Variants in HNRNPCL1 observed in about 807,000 individuals in gnomAD.
HNRNPCL1 encodes heterogeneous nuclear ribonucleoprotein C-like 1.
HNRNPCL1 carries 15 observed loss-of-function variants against 19.0 expected under a neutral mutation model. The observed-to-expected ratio is 0.79, with a 90% CI of 0.53 to 1.22. HNRNPCL1 has a LOEUF of 1.22. Ranked by LOEUF, HNRNPCL1 falls within the 50% of genes most tolerant of loss-of-function variation. HNRNPCL1 has a pLI of 0.00. For missense variants in HNRNPCL1, 327 were observed against 354.7 expected (o/e 0.92, Z 0.63); for synonymous variants, 110 against 129.1 (o/e 0.85, Z 1.00).
In HNRNPCL1 at chr1:12,847,384, A is replaced by C; in HGVS notation, c.*24T>G. On this transcript the variant is annotated 3_prime_UTR_variant, in exon 2 of 2. Transcript: ENST00000317869. ...TCCTAGGTAAAGAAACAATGGGATA[A>C]GATTTCTCAACCCCACTATGTGCTT... 6.2e-7 allele frequency: 1 copy of C among 1,605,352 alleles called. No homozygotes were observed. The highest frequency in any genetic ancestry group is 8.5e-7 in the Non-Finnish European group (1 of 1,175,672).
In HNRNPCL1 at chr1:12,847,597, T is replaced by C. The variant is rs148279364; in HGVS notation, c.693A>G (p.Lys231=). Residue 231 remains lysine, a synonymous_variant, in exon 2 of 2, where the codon AAA becomes AAG. Coordinates refer to ENST00000317869, the MANE Select transcript of HNRNPCL1 (RefSeq NM_001013631.3). ...ACTCCATCTTCACATGAGTCTCATC[T>C]TTCTTCATGGAGCTACTGCTCTGCT... ...EEEQSSSSMK[K]DETHVKMESE... is the part of the protein sequence containing the mutation. The C allele has an allele frequency of 6.2e-7, 1 of 1,606,764 alleles. No homozygotes were observed. Among genetic ancestry groups the C allele is most frequent in the Non-Finnish European group, 8.5e-7 (1 of 1,176,590 alleles).
chr1:12,848,031 C>A lies in HNRNPCL1; in HGVS notation c.259G>T (p.Glu87Ter). ...SQVVDINLAA[E>*]PKVNRGNAGV... ...GCGTTTCCTCGGTTCACTTTTGGCT[C>A]CGCAGCCAGGTTAATATCTACAACC... is the stretch of plus-strand genomic sequence containing the variant. Residue 87 changes from glutamate to a stop codon, truncating the protein, a stop_gained, in exon 2 of 2, where the codon GAG becomes TAG. Coordinates refer to ENST00000317869, the MANE Select transcript of HNRNPCL1 (RefSeq NM_001013631.3). LOFTEE classifies it high-confidence loss of function. 1 of 1,607,244 alleles carries A rather than the reference C, an allele frequency of 6.2e-7. No homozygotes were observed.
At position 12,848,335 on chromosome 1, in the gene HNRNPCL1, G is replaced by A. The variant is rs768776942; in HGVS notation, c.-46C>T. 1.1e-5 allele frequency: 15 copies of A among 1,418,980 alleles called. 1 individual carries two copies. The highest frequency in any genetic ancestry group is 8.4e-6 in the Non-Finnish European group (9 of 1,069,070). 87.9% of individuals were successfully genotyped at this position (1,418,980 alleles called of 1,614,324 possible). A position where few individuals can be genotyped will look rare whatever the true frequency, so the allele number is the denominator to read the frequency against. On this transcript the variant is annotated 5_prime_UTR_variant, in exon 2 of 2. Coordinates refer to ENST00000317869, the MANE Select transcript of HNRNPCL1 (RefSeq NM_001013631.3). ...CTCAAAAAGCCAAAAACAGGAGGCG[G>A]GAGGGAGAAGAGATTCGATTCTAAG...
chr1:12,847,658 T>G lies in HNRNPCL1; in HGVS notation c.632A>C (p.Gln211Pro), dbSNP rs1640285755. Residue 211 changes from glutamine to proline, a missense_variant, in exon 2 of 2, where the codon CAA becomes CCA. By Grantham distance (76) the Gln-to-Pro change is moderately conservative. This residue lies in a region of HNRNPCL1 where 281 missense variants were observed against 254.7 expected (regional missense o/e 1.10). Coordinates refer to ENST00000317869, the MANE Select transcript of HNRNPCL1 (RefSeq NM_001013631.3). The part of the protein sequence containing the change: ...LEKIEKEQSK[Q>P]EVEVKNAKSE... ...CTTAGCATTTTTCACCTCTACCTCT[T>G]GTTTGCTCTGTTCCTTTTCAATTTT... is the stretch of plus-strand genomic sequence containing the variant. 1 of 1,606,546 alleles carries G rather than the reference T, an allele frequency of 6.2e-7. No individual in the cohort carries two copies. Among genetic ancestry groups the G allele is most frequent in the African/African-American group, 1.3e-5 (1 of 74,240 alleles).
At position 12,848,150 on chromosome 1, in the gene HNRNPCL1, G is replaced by A. The variant is rs745401037; in HGVS notation, c.140C>T (p.Ser47Phe). Residue 47 changes from serine (S) to phenylalanine (F), a missense_variant, in exon 2 of 2, where the codon TCT becomes TTT. Physicochemically the swap from Ser to Phe is radical, Grantham distance 155 (BLOSUM62 -2). Coordinates refer to ENST00000317869, the MANE Select transcript of HNRNPCL1 (RefSeq NM_001013631.3). ...AACGAAGGCAAAGCCCTTATGAACA[G>A]AGCAGCCCGCAATTTTGCCATACTT... ...FSKYGKIAGC[S>F]VHKGFAFVQY... 2 of 1,595,202 alleles carry A rather than the reference G, an allele frequency of 1.3e-6. No homozygotes were observed. The highest frequency in any genetic ancestry group is 1.4e-5 in the African/African-American group (1 of 73,428).
At chr1:12,848,596 T>C (rs79286318) in intron 1 of HNRNPCL1, 85 bp downstream of exon 1, 1 of 517,500 alleles carries the variant, frequency 1.9e-6, no homozygotes, top group Non-Finnish European at 3.2e-6. Flanking sequence ...TATAGTTCTG[T>C]GCCGTCGTAG....
rs747565200 is a variant in HNRNPCL1, at chr1:12,847,501, C to T, written c.789G>A (p.Gly263=). The T allele has an allele frequency of 3.1e-6, 5 of 1,605,742 alleles. No individual in the cohort carries two copies. In the South Asian group the frequency reaches 4.4e-5, roughly 14 times the overall value. ...CCTTGATCAACTCCAGCTGGTCATC[C>T]CCCTGATCTTCATTAACATCATCAT... ...PLDDDVNEDQ[G]DDQLELIKDD... is the part of the protein sequence containing the mutation. The change falls in exon 2 of 2, where the codon GGG becomes GGA. Residue 263 remains glycine (G), a synonymous_variant. Coordinates refer to ENST00000317869, the MANE Select transcript of HNRNPCL1 (RefSeq NM_001013631.3).
At position 12,848,137 on chromosome 1, in the gene HNRNPCL1, G is replaced by C. The variant is rs1323658228; in HGVS notation, c.153C>G (p.Gly51=). The C allele has an allele frequency of 6.2e-7, 1 of 1,600,050 alleles. No homozygotes were observed. The highest frequency in any genetic ancestry group is 8.5e-7 in the Non-Finnish European group (1 of 1,173,422). ...CCTTATCATATTGAACGAAGGCAAA[G>C]CCCTTATGAACAGAGCAGCCCGCAA... is the stretch of plus-strand genomic sequence containing the variant. ...GKIAGCSVHK[G]FAFVQYDKEK... is the part of the protein sequence containing the mutation. The change falls in exon 2 of 2, where the codon GGC becomes GGG. Residue 51 remains glycine, a synonymous_variant. Transcript: ENST00000317869.
Position 12,848,363 on chromosome 1 carries a change from TCCTACTG to T in HNRNPCL1, c.-81_-75del, listed in dbSNP as rs1640307103. The stretch of plus-strand genomic sequence containing the variant: ...GGGAGAAGAGATTCGATTCTAAGTC[TCCTACTG>T]CCGGGTTCTACGGGGAGAAACTGAC... On this transcript the variant is annotated 5_prime_UTR_variant, in exon 2 of 2. Coordinates refer to ENST00000317869, the MANE Select transcript of HNRNPCL1 (RefSeq NM_001013631.3). 6.9e-7 allele frequency: 1 copy of T among 1,450,080 alleles called. No individual in the cohort carries two copies. The highest frequency in any genetic ancestry group is 1.5e-5 in the South Asian group (1 of 68,912). 89.8% of individuals were successfully genotyped at this position (1,450,080 alleles called of 1,614,324 possible).
chr1:12,847,663 G>T lies in HNRNPCL1; in HGVS notation c.627C>A (p.Ser209Arg). The T allele has an allele frequency of 1.2e-6, 2 of 1,606,472 alleles. No individual in the cohort carries two copies. The highest frequency in any genetic ancestry group is 1.1e-5 in the South Asian group (1 of 90,492). ...ENLEKIEKEQSKQEVEVKNAK... is the reference protein window; with the variant it reads ...ENLEKIEKEQRKQEVEVKNAK... ...CATTTTTCACCTCTACCTCTTGTTT[G>T]CTCTGTTCCTTTTCAATTTTTTCCA... The change falls in exon 2 of 2, where the codon AGC (serine) becomes AGA (arginine). Residue 209 changes from serine to arginine, a missense_variant. Around this residue, in one of 2 missense-constraint regions of HNRNPCL1, gnomAD observed 281 missense variants for 254.7 expected, o/e 1.10. Transcript: ENST00000317869.
Position 12,847,995 on chromosome 1 carries a change from G to C in HNRNPCL1, c.295C>G (p.Arg99Gly), listed in dbSNP as rs140567799. The change falls in exon 2 of 2, where the codon CGA becomes GGA. Residue 99 changes from arginine (R) to glycine (G), a missense_variant. Coordinates refer to ENST00000317869, the MANE Select transcript of HNRNPCL1 (RefSeq NM_001013631.3). ...GAGCCGTACATCTCCGCTGCTGATCGTTTCACACCTGCGTTTCCTCGGTTC... is the reference window on the plus strand; with the variant it reads ...GAGCCGTACATCTCCGCTGCTGATCCTTTCACACCTGCGTTTCCTCGGTTC... The part of the protein sequence containing the change: ...KVNRGNAGVK[R>G]SAAEMYGSSF... 54,173 of 1,558,042 alleles carry C rather than the reference G, an allele frequency of 0.035. 51 individuals carry two copies. The highest frequency in any genetic ancestry group is 0.19 in the East Asian group (7,692 of 40,742).
Position 12,847,881 on chromosome 1 carries a change from C to T in HNRNPCL1, c.409G>A (p.Ala137Thr). The change falls in exon 2 of 2, where the codon GCT becomes ACT. Residue 137 changes from alanine to threonine, a missense_variant. Coordinates refer to ENST00000317869, the MANE Select transcript of HNRNPCL1 (RefSeq NM_001013631.3). ...PARVPPPPPI[A>T]LAVVPSKRQR... Reference sequence around the variant, plus strand: ...CGTTTCGAGGGCACTACAGCCAGAGCAATGGGAGGAGGAGGAGGTACACGT... The same window carrying T: ...CGTTTCGAGGGCACTACAGCCAGAGTAATGGGAGGAGGAGGAGGTACACGT... The T allele has an allele frequency of 6.2e-7, 1 of 1,606,554 alleles. No individual in the cohort carries two copies. The highest frequency in any genetic ancestry group is 8.5e-7 in the Non-Finnish European group (1 of 1,176,530).
Position 12,847,497 on chromosome 1 carries a change from C to G in HNRNPCL1, c.793G>C (p.Asp265His). 1 of 1,606,594 alleles carries G rather than the reference C, an allele frequency of 6.2e-7. No individual in the cohort carries two copies. The highest frequency in any genetic ancestry group is 8.5e-7 in the Non-Finnish European group (1 of 1,176,696). The part of the protein sequence containing the change: ...DDDVNEDQGD[D>H]QLELIKDDEK... The stretch of plus-strand genomic sequence containing the variant: ...TCATCCTTGATCAACTCCAGCTGGT[C>G]ATCCCCCTGATCTTCATTAACATCA... Residue 265 changes from aspartate to histidine, a missense_variant, in exon 2 of 2, where the codon GAC becomes CAC. This residue lies in a region of HNRNPCL1 where 281 missense variants were observed against 254.7 expected (regional missense o/e 1.10). Coordinates refer to ENST00000317869, the MANE Select transcript of HNRNPCL1 (RefSeq NM_001013631.3).
In HNRNPCL1 at chr1:12,847,941, G is replaced by C; in HGVS notation, c.349C>G (p.Arg117Gly). The C allele has an allele frequency of 6.2e-7, 1 of 1,607,202 alleles. No individual in the cohort carries two copies. The highest frequency in any genetic ancestry group is 8.5e-7 in the Non-Finnish European group (1 of 1,176,860). The change falls in exon 2 of 2, where the codon CGG becomes GGG. Residue 117 changes from arginine to glycine, a missense_variant. Transcript: ENST00000317869. ...SSFDLDYGFQRDYYDGMYSFP... is the reference protein window; with the variant it reads ...SSFDLDYGFQGDYYDGMYSFP... ...CTGTACATTCCATCATAATAATCCC[G>C]TTGAAAGCCATAGTCCAAGTCAAAA... is the stretch of plus-strand genomic sequence containing the variant.
chr1:12,847,856 C>T lies in HNRNPCL1; in HGVS notation c.434G>A (p.Arg145His), dbSNP rs4026148. 7 of 1,606,506 alleles carry T rather than the reference C, an allele frequency of 4.4e-6. No homozygotes were observed. The highest frequency in any genetic ancestry group is 4.0e-5 in the African/African-American group (3 of 74,336). Reference sequence around the variant, plus strand: ...TGAGGTGTTTCCTGATAGACGTTGACGTTTCGAGGGCACTACAGCCAGAGC... The same window carrying T: ...TGAGGTGTTTCCTGATAGACGTTGATGTTTCGAGGGCACTACAGCCAGAGC... The part of the protein sequence containing the change: ...PIALAVVPSK[R>H]QRLSGNTSRR... Residue 145 changes from arginine (R) to histidine (H), a missense_variant, in exon 2 of 2, where the codon CGT (arginine) becomes CAT (histidine). Coordinates refer to ENST00000317869, the MANE Select transcript of HNRNPCL1 (RefSeq NM_001013631.3).
chr1:12,848,630 C>T (rs1175170854), intron 1 of HNRNPCL1, 51 bp downstream of exon 1: 7 of 341,344 alleles, frequency 2.1e-5, no homozygotes, highest in South Asian at 5.6e-5. Flanking sequence ...CGTTCTAGAC[C>T]GGCTGACTGT....
In HNRNPCL1 at chr1:12,848,039, A is replaced by T. The variant is rs760183587; in HGVS notation, c.251T>A (p.Leu84Gln). 23 of 1,607,022 alleles carry T rather than the reference A, an allele frequency of 1.4e-5. 3 individuals are homozygous for T. In the South Asian group the frequency reaches 2.5e-4, roughly 18 times the overall value. Residue 84 changes from leucine to glutamine, a missense_variant, in exon 2 of 2, where the codon CTG (leucine) becomes CAG (glutamine). Physicochemically the swap from Leu to Gln is moderately radical, Grantham distance 113. Coordinates refer to ENST00000317869, the MANE Select transcript of HNRNPCL1 (RefSeq NM_001013631.3). ...MIASQVVDIN[L>Q]AAEPKVNRGN... is the part of the protein sequence containing the mutation. ...TCGGTTCACTTTTGGCTCCGCAGCCAGGTTAATATCTACAACCTGGCTAGC... is the reference window on the plus strand; with the variant it reads ...TCGGTTCACTTTTGGCTCCGCAGCCTGGTTAATATCTACAACCTGGCTAGC...
rs749600672 is a variant in HNRNPCL1 at position 12,847,918 on chromosome 1, G to C, written c.372C>G (p.Tyr124Ter). 6.2e-7 allele frequency: 1 copy of C among 1,606,750 alleles called. No homozygotes were observed. Among genetic ancestry groups the C allele is most frequent in the Middle Eastern group, 1.7e-4 (1 of 6,048 alleles). ...GAGGAGGTACACGTGCTGGGAAACT[G>C]TACATTCCATCATAATAATCCCGTT... Reference protein sequence around the residue: ...GFQRDYYDGMYSFPARVPPPP... With the variant: ...GFQRDYYDGM Residue 124 changes from tyrosine to a stop codon, truncating the protein, a stop_gained, in exon 2 of 2, where the codon TAC (tyrosine) becomes TAG (stop). Coordinates refer to ENST00000317869, the MANE Select transcript of HNRNPCL1 (RefSeq NM_001013631.3). LOFTEE classifies it high-confidence loss of function.
In HNRNPCL1 at chr1:12,848,394, A is replaced by G. The variant is rs556771188; in HGVS notation, c.-105T>C. The G allele has an allele frequency of 1.6e-4, 235 of 1,433,844 alleles. 1 individual carries two copies. In the East Asian group the frequency reaches 5.4e-3, roughly 33 times the overall value. The allele number at this position is 1,433,844 out of a possible 1,614,324, so 88.8% of individuals were successfully genotyped here. ...TGCCGGGTTCTACGGGGAGAAACTG[A>G]CTGCGGCTCGAGGCCAGAAATGCAG... On this transcript the variant is annotated 5_prime_UTR_variant, in exon 2 of 2. Transcript: ENST00000317869.
Sources: gnomAD v4.1 joint callset for allele counts on GRCh38, gnomAD v4.1.1 for gene constraint, gnomAD v4.1.1 regional missense constraint, MANE v1.5 for transcripts, NCBI Gene and HGNC (gene_info 2026-07-23, HGNC 2026-07-21) for gene names.